Variants in C9 observed in about 807,000 individuals in gnomAD.
C9 encodes the protein complement C9.
In C9, 63 loss-of-function variants were observed where a neutral mutation model predicts 65.4. The ratio of observed to expected loss-of-function variants is 0.96; its 90% CI spans 0.79 to 1.19. The LOEUF (loss-of-function observed/expected upper bound fraction) is 1.19, where lower values mean the gene tolerates loss of function less well. C9 is among the 50% of genes most tolerant of loss of function. The pLI is 0.00. For synonymous variants in C9, 229 were observed against 227.9 expected (o/e 1.00, Z -0.04); for missense variants, 744 against 670.1 (o/e 1.11, Z -1.22).
chr5:39,352,809 C>T (rs906738395), intron 1 of C9, among the ~76,000 whole-genome samples: 1 of 151,962 alleles, frequency 6.6e-6, no homozygotes, highest in Non-Finnish European at 1.5e-5. Flanking sequence ...CAGTAGCTTC[C>T]CACCACTCTT....
At chr5:39,318,393 T>C (rs888360119) in intron 5 of C9, among the ~76,000 whole-genome samples, 15 of 152,178 alleles carry the variant, frequency 9.9e-5, no homozygotes, top group Admixed American at 2.6e-4. Context: ...TCCAATACTA[T>C]GTTGAATAGG....
chr5:39,358,647 T>C (rs1194614457), intron 1 of C9, among the ~76,000 whole-genome samples: 3 of 152,074 alleles, frequency 2.0e-5, no homozygotes, highest in Non-Finnish European at 2.9e-5. Context: ...GAGTGAGTCG[T>C]GCCCATGGAG....
At chr5:39,360,917 T>C (rs1170541443) in intron 1 of C9, among the ~76,000 whole-genome samples, 1 of 152,180 alleles carries the variant, frequency 6.6e-6, no homozygotes, top group Non-Finnish European at 1.5e-5. Context: ...CTCAGATCAC[T>C]CTGGGAATTA....
rs1645665871 is a variant in C9, at chr5:39,341,252, C to T, written c.370G>A (p.Asp124Asn). 5 of 1,614,068 alleles carry T rather than the reference C, an allele frequency of 3.1e-6. No individual in the cohort carries two copies. The highest frequency in any genetic ancestry group is 1.6e-4 in the Middle Eastern group (1 of 6,084). The part of the protein sequence containing the change: ...KMRLRCNGDN[D>N]CGDFSDEDDC... Reference sequence around the variant, plus strand: ...TCCTCATCTGAAAAGTCTCCGCAGTCATTGTCACCATTACACCGAAGTCGC... The same window carrying T: ...TCCTCATCTGAAAAGTCTCCGCAGTTATTGTCACCATTACACCGAAGTCGC... Residue 124 changes from aspartate (D) to asparagine (N), a missense_variant, in exon 4 of 11, where the codon GAC becomes AAC. Coordinates refer to ENST00000263408, the MANE Select transcript of C9 (RefSeq NM_001737.5).
At chr5:39,351,538 T>C (rs536163915) in intron 1 of C9, among the ~76,000 whole-genome samples, 41 of 152,330 alleles carry the variant, frequency 2.7e-4, no homozygotes, top group African/African-American at 9.6e-4. Context: ...CCAGGCCATA[T>C]TCTGAACACT....
At chr5:39,347,827 G>C (rs1027780580) in intron 1 of C9, among the ~76,000 whole-genome samples, 31 of 152,078 alleles carry the variant, frequency 2.0e-4, no homozygotes, top group African/African-American at 7.2e-4. Flanking sequence ...CAGAGATATA[G>C]ACCAATGGAA....
intron 5 of C9, among the ~76,000 whole-genome samples, chr5:39,322,681 T>G (rs1395438938): frequency 6.6e-6 from 1 of 152,108 alleles, no homozygotes; most frequent in Non-Finnish European, 1.5e-5. Flanking sequence ...ATCTGCAGGT[T>G]TTGCATCCGT....
chr5:39,291,379 G>C (rs1004159860), intron 9 of C9, among the ~76,000 whole-genome samples: 2 of 151,768 alleles, frequency 1.3e-5, no homozygotes, highest in Non-Finnish European at 2.9e-5. Context: ...TGACAATAAA[G>C]CATGAAGAGA....
intron 6 of C9, 80 bp downstream of exon 6, chr5:39,315,695 T>A (rs1457143664): frequency 9.3e-7 from 1 of 1,070,470 alleles, no homozygotes. Context: ...CTTTTTATGA[T>A]TTCTATTTGC....
In C9 at chr5:39,331,844, G is replaced by A. The variant is rs756563849; in HGVS notation, c.477-30C>T. 8.7e-6 allele frequency: 14 copies of A among 1,606,358 alleles called. No homozygotes were observed. In the Middle Eastern group the frequency reaches 8.3e-4, roughly 95 times the overall value. The stretch of plus-strand genomic sequence containing the variant: ...GAATGAACAGAGTAGTATCAGAAGT[G>A]GAAATACCACAACACAATGCAAGGC... On this transcript the variant is annotated intron_variant, in intron 4 of 10. Transcript: ENST00000263408.
intron 5 of C9, among the ~76,000 whole-genome samples, chr5:39,323,691 T>C (rs1753702115): frequency 5.3e-5 from 8 of 152,008 alleles, no homozygotes; most frequent in Middle Eastern, 3.4e-3. Flanking sequence ...AAAGGCCATA[T>C]ACAACAAGCC....
intron 1 of C9, among the ~76,000 whole-genome samples, chr5:39,342,965 C>T (rs1353089713): frequency 6.6e-6 from 1 of 152,142 alleles, no homozygotes; most frequent in Non-Finnish European, 1.5e-5. Context: ...GAACCAGAAA[C>T]CACCCAACAA....
At chr5:39,299,954 T>C (rs893130944) in intron 9 of C9, among the ~76,000 whole-genome samples, 4 of 152,098 alleles carry the variant, frequency 2.6e-5, no homozygotes, top group Non-Finnish European at 2.9e-5. Context: ...GACTGGAAAA[T>C]GTACACTAAA....
chr5:39,323,944 G>A (rs937042087), intron 5 of C9, among the ~76,000 whole-genome samples: 2 of 151,994 alleles, frequency 1.3e-5, no homozygotes, highest in Non-Finnish European at 2.9e-5. Flanking sequence ...GACAAAAAAT[G>A]TTAGAACTAA....
chr5:39,358,279 T>C (rs1754445130), intron 1 of C9, among the ~76,000 whole-genome samples: 1 of 152,138 alleles, frequency 6.6e-6, no homozygotes, highest in Admixed American at 6.5e-5. Flanking sequence ...CCTCAATGAA[T>C]TTAGAGAGGA....
rs948120270 is a variant in C9, at chr5:39,331,766, C to T, written c.525G>A (p.Glu175=). 2.5e-6 allele frequency: 4 copies of T among 1,612,900 alleles called. No individual in the cohort carries two copies. Among genetic ancestry groups the T allele is most frequent in the East Asian group, 4.5e-5 (2 of 44,870 alleles). Residue 175 remains glutamate (E), a synonymous_variant, in exon 5 of 11, where the codon GAG becomes GAA. Coordinates refer to ENST00000263408, the MANE Select transcript of C9 (RefSeq NM_001737.5). ...CCCGGTTACAGAGTCCATTGTAGAA[C>T]TCATTGTCAAAAGGTGTGCTTAGGG... ...MDPLSTPFDN[E]FYNGLCNRDR...
chr5:39,354,559 A>T (rs1200100710), intron 1 of C9, among the ~76,000 whole-genome samples: 1 of 152,178 alleles, frequency 6.6e-6, no homozygotes, highest in African/African-American at 2.4e-5. Flanking sequence ...TTATATCATT[A>T]CCCAAGATTG....
intron 5 of C9, among the ~76,000 whole-genome samples, chr5:39,330,113 C>A (rs573120467): frequency 6.6e-6 from 1 of 152,256 alleles, no homozygotes; most frequent in South Asian, 2.1e-4. Flanking sequence ...ACATCAAACT[C>A]TTTTGGGGGT....
Position 39,341,601 on chromosome 5 carries a change from C to T in C9, c.283G>A (p.Glu95Lys), listed in dbSNP as rs1375867471. Residue 95 changes from glutamate (E) to lysine (K), a missense_variant, in exon 3 of 11, where the codon GAG becomes AAG. Physicochemically the swap from Glu to Lys is moderately conservative, Grantham distance 56. Transcript: ENST00000263408. ...RRQCVPTEPC[E>K]DAEDDCGNDF... The stretch of plus-strand genomic sequence containing the variant: ...TTTCCGCAGTCATCCTCAGCATCCT[C>T]ACAGGGCTCTGTGGGCACACACTGT... The T allele has an allele frequency of 2.5e-6, 4 of 1,613,968 alleles. No homozygotes were observed. The highest frequency in any genetic ancestry group is 1.3e-5 in the African/African-American group (1 of 74,922).
Sources: allele counts gnomAD v4.1 joint callset (sites outside exome capture counted in the v4.1 genomes callset), GRCh38; gene constraint gnomAD v4.1.1; transcripts MANE v1.5; gene names NCBI Gene and HGNC (gene_info 2026-07-23, HGNC 2026-07-21).